Variants in CARS1 observed in about 807,000 individuals in gnomAD.
The protein encoded by CARS1 is cysteine--tRNA ligase, cytoplasmic.
Under a neutral mutation model 106.2 loss-of-function variants are expected in CARS1, and 48 were observed. The ratio of observed to expected loss-of-function variants is 0.45; its 90% confidence interval spans 0.36 to 0.57. The LOEUF (loss-of-function observed/expected upper bound fraction) is 0.57, where lower values mean the gene tolerates loss of function less well. Among genes scored for constraint, CARS1 ranks in the 20% least tolerant of loss-of-function variants. The pLI, the probability that CARS1 is intolerant of heterozygous loss-of-function variation, is 0.00. For synonymous variants in CARS1, 409 were observed against 403.4 expected, an observed-to-expected ratio of 1.01 and a Z score of -0.17; for missense variants, 968 against 1,057.2, an observed-to-expected ratio of 0.92 and a Z score of 1.17.
At position 3,019,391 on chromosome 11, in the gene CARS1, C is replaced by A; in HGVS notation, c.1267-124G>T. On this transcript the variant is annotated intron_variant, in intron 11 of 22. Coordinates refer to ENST00000380525, the MANE Select transcript of CARS1 (RefSeq NM_001014437.3). The surrounding 1 kb of genome is among the most constrained non-coding windows in gnomAD (Gnocchi z 6.2). ...CTTTATTGGAACAAGCGTTAAATCC[C>A]GCACATGAAAAGACTAAGGGAAGGC... The A allele has an allele frequency of 9.0e-7, 1 of 1,113,086 alleles. No homozygotes were observed. The highest frequency in any genetic ancestry group is 1.2e-6 in the Non-Finnish European group (1 of 852,982). The allele number at this position is 1,113,086 out of a possible 1,614,324, so 69.0% of individuals were successfully genotyped here. A position where few individuals can be genotyped will look rare whatever the true frequency, so the allele number is the denominator to read the frequency against.
intron 1 of CARS1, chr11:3,055,017 C>A (rs1216906083): frequency 1.4e-6 from 1 of 700,732 alleles, no homozygotes; most frequent in African/African-American, 1.8e-5. Flanking sequence ...AGCCTATGCA[C>A]CTTCAAGACC....
intron 20 of CARS1, among the ~76,000 whole-genome samples, chr11:3,002,967 C>T (rs1229119436): frequency 1.3e-5 from 2 of 152,224 alleles, no homozygotes; most frequent in Admixed American, 6.5e-5. Context: ...ATGACCAGGA[C>T]AGCACTGTGA....
chr11:3,025,550 G>A (rs1851966265), intron 10 of CARS1, among the ~76,000 whole-genome samples: 1 of 152,208 alleles, frequency 6.6e-6, no homozygotes, highest in Admixed American at 6.5e-5. Flanking sequence ...TATTTCTTTA[G>A]AATAGAGCCT....
intron 9 of CARS1, chr11:3,027,496 C>T (rs537600577): frequency 6.7e-4 from 118 of 175,406 alleles, no homozygotes; most frequent in Non-Finnish European, 1.2e-3. Context: ...AGGGCACGAG[C>T]TGTTCCAGTA....
chr11:3,039,141 C>G lies in CARS1; in HGVS notation c.651+53G>C. On this transcript the variant is annotated intron_variant, in intron 6 of 22. Transcript: ENST00000380525. The surrounding 1 kb of genome is among the most constrained non-coding windows in gnomAD (Gnocchi z 5.6). Reference sequence around the variant, plus strand: ...CTAGGGACAGTAGCCTACAAAGGACCGAGAACAGAAAGCAAAGGGCTCGGT... The same window carrying G: ...CTAGGGACAGTAGCCTACAAAGGACGGAGAACAGAAAGCAAAGGGCTCGGT... 8.6e-7 allele frequency: 1 copy of G among 1,156,330 alleles called. No individual in the cohort carries two copies. The highest frequency in any genetic ancestry group is 1.3e-6 in the Non-Finnish European group (1 of 767,846). The allele number at this position is 1,156,330 out of a possible 1,614,324, so 71.6% of individuals were successfully genotyped here.
chr11:3,011,645 T>C (rs1020298014), intron 18 of CARS1, among the ~76,000 whole-genome samples: 1 of 151,632 alleles, frequency 6.6e-6, no homozygotes, highest in Non-Finnish European at 1.5e-5. Flanking sequence ...GATGAAGGAA[T>C]GGCTGCTTAT....
In CARS1 at chr11:3,044,336, C is replaced by G. The variant is rs574093018; in HGVS notation, c.275-2080G>C. On this transcript the variant is annotated intron_variant, in intron 2 of 22. Transcript: ENST00000380525. The surrounding 1 kb of genome is among the most constrained non-coding windows in gnomAD (Gnocchi z 4.4). ...GCTGGCGATGGGCTCCCCAGGAAAA[C>G]GGGTTACCAGGCCCAGATATACAAA... Among the ~76,000 whole-genome samples the G allele has an allele frequency of 2.6e-5, 4 of 152,268 alleles. No homozygotes were observed. The highest frequency in any genetic ancestry group is 9.6e-5 in the African/African-American group (4 of 41,552).
At chr11:3,007,159 G>T in intron 18 of CARS1, 200 bp from the exon 19 acceptor site, 1 of 592,276 alleles carries the variant, frequency 1.7e-6, no homozygotes, top group Non-Finnish European at 3.0e-6. Context: ...AGCTTGATTG[G>T]CTGCAGAAGC....
chr11:3,024,683 A>G (rs1851883735), intron 10 of CARS1, among the ~76,000 whole-genome samples: 1 of 151,880 alleles, frequency 6.6e-6, no homozygotes, highest in Non-Finnish European at 1.5e-5. Flanking sequence ...CCTGGGCTCA[A>G]GCGATCCTCC....
At chr11:3,054,864 C>T in intron 1 of CARS1, 1 of 702,272 alleles carries the variant, frequency 1.4e-6, no homozygotes, top group Non-Finnish European at 2.6e-6. Context: ...AAAAATTAAA[C>T]TATAAGTCTG....
In CARS1 at chr11:3,028,375, G is replaced by A; in HGVS notation, c.1031+621C>T. On this transcript the variant is annotated intron_variant, in intron 9 of 22. Coordinates refer to ENST00000380525, the MANE Select transcript of CARS1 (RefSeq NM_001014437.3). This position sits in a 1 kb window ranked among gnomAD's most constrained non-coding sequence, Gnocchi z 4.4. ...GTCTTCTCTTTTATCTCTTTGTCTTGTGTCTTTATTTCTACAATCTCTCAT... is the reference window on the plus strand; with the variant it reads ...GTCTTCTCTTTTATCTCTTTGTCTTATGTCTTTATTTCTACAATCTCTCAT... The A allele has an allele frequency of 4.9e-6, 2 of 409,784 alleles. No individual in the cohort carries two copies. The highest frequency in any genetic ancestry group is 8.8e-6 in the Non-Finnish European group (2 of 228,556). 25.4% of individuals were successfully genotyped at this position (409,784 alleles called of 1,614,324 possible). A position where few individuals can be genotyped will look rare whatever the true frequency, so the allele number is the denominator to read the frequency against.
intron 17 of CARS1, among the ~76,000 whole-genome samples, chr11:3,014,567 C>T (rs1167269379): frequency 6.6e-6 from 1 of 152,172 alleles, no homozygotes; most frequent in Admixed American, 6.5e-5. Flanking sequence ...TGACTTTAAC[C>T]CAGGAGGTGT....
intron 7 of CARS1, among the ~76,000 whole-genome samples, chr11:3,036,394 C>T (rs1380526757): frequency 6.6e-6 from 1 of 152,166 alleles, no homozygotes; most frequent in Admixed American, 6.5e-5. Context: ...TGCAAATGTC[C>T]ACCTAGAGAC....
Position 3,018,405 on chromosome 11 carries a change from C to A in CARS1, c.1629+3G>T. 3 of 1,606,554 alleles carry A rather than the reference C, an allele frequency of 1.9e-6. No individual in the cohort carries two copies. The highest frequency in any genetic ancestry group is 2.6e-6 in the Non-Finnish European group (3 of 1,173,382). ...AACCTCCAGGAAGGGGCTGGGGACTCACATTCAAGAACTTCTCATATTGAA... is the reference window on the plus strand; with the variant it reads ...AACCTCCAGGAAGGGGCTGGGGACTAACATTCAAGAACTTCTCATATTGAA... On this transcript the variant is annotated splice_donor_region_variant and intron_variant, in intron 14 of 22. Coordinates refer to ENST00000380525, the MANE Select transcript of CARS1 (RefSeq NM_001014437.3).
chr11:3,038,414 G>A lies in CARS1; in HGVS notation c.652-215C>T, dbSNP rs916272866. Among the ~76,000 whole-genome samples, 20 of 152,158 alleles carry A rather than the reference G, an allele frequency of 1.3e-4. No homozygotes were observed. Among genetic ancestry groups the A allele is most frequent in the Admixed American group, 1.0e-3 (16 of 15,262 alleles). On this transcript the variant is annotated intron_variant, in intron 6 of 22. Coordinates refer to ENST00000380525, the MANE Select transcript of CARS1 (RefSeq NM_001014437.3). This position sits in a 1 kb window ranked among gnomAD's most constrained non-coding sequence, Gnocchi z 4.0. ...TTCTGCCCTCTCACGTGTGACCCTG[G>A]ACAGGGCACCTAACCTCTCTGTGCC...
chr11:3,040,254 T>G lies in CARS1; in HGVS notation c.456-323A>C, dbSNP rs1200642795. On this transcript the variant is annotated intron_variant, in intron 4 of 22. Transcript: ENST00000380525. The surrounding 1 kb of genome is among the most constrained non-coding windows in gnomAD (Gnocchi z 5.8). ...AATGTATATACAAAATATGTGTTCA[T>G]TGACTGGCATGCTATTGGTCAACAG... 6.6e-6 allele frequency among the ~76,000 whole-genome samples: 1 copy of G among 152,258 alleles called. No individual in the cohort carries two copies. Among genetic ancestry groups the G allele is most frequent in the South Asian group, 2.1e-4 (1 of 4,828 alleles).
chr11:3,057,304 C>A (rs755482923), intron 1 of CARS1, 39 bp downstream of exon 1: 1 of 1,590,658 alleles, frequency 6.3e-7, no homozygotes, highest in Non-Finnish European at 8.6e-7. Flanking sequence ...CCAGTCAGGC[C>A]CCCAGCCGCC....
At chr11:3,009,089 C>T (rs1479033962) in intron 18 of CARS1, 3 of 152,346 alleles carry the variant, frequency 2.0e-5, no homozygotes, top group Non-Finnish European at 4.4e-5. Flanking sequence ...GAAGAAGCCT[C>T]TGTGGCTTCT....
rs573223137 is a variant in CARS1 at position 3,039,230 on chromosome 11, C to T, written c.615G>A (p.Ala205=). The T allele has an allele frequency of 2.6e-5, 42 of 1,613,670 alleles. No homozygotes were observed. Among genetic ancestry groups the T allele is most frequent in the Admixed American group, 1.3e-4 (8 of 60,008 alleles). Residue 205 remains alanine (A), a synonymous_variant, in exon 6 of 23, where the codon GCG becomes GCA. Transcript: ENST00000380525. The surrounding 1 kb of genome is among the most constrained non-coding windows in gnomAD (Gnocchi z 5.6). ...CCTGAACATCCTCCAAGAGCTGTGCCGCTTCAGGCCTCTTCTCCCGATACT... is the reference window on the plus strand; with the variant it reads ...CCTGAACATCCTCCAAGAGCTGTGCTGCTTCAGGCCTCTTCTCCCGATACT... The part of the protein sequence containing the change: ...FEQYREKRPE[A]AQLLEDVQAA...
Sources: allele counts gnomAD v4.1 joint callset (sites outside exome capture counted in the v4.1 genomes callset), GRCh38; gene constraint gnomAD v4.1.1; non-coding constraint Gnocchi (gnomAD v3.1); transcripts MANE v1.5; gene names NCBI Gene and HGNC (gene_info 2026-07-23, HGNC 2026-07-21).